Variants in IQSEC2 observed in about 807,000 individuals in gnomAD.
The protein encoded by IQSEC2 is IQ motif and Sec7 domain ArfGEF 2.
IQSEC2 carries 6 observed loss-of-function variants against 74.6 expected under a neutral mutation model. The observed-to-expected ratio is 0.08, with a 90% CI of 0.04 to 0.16. IQSEC2 has a LOEUF of 0.16. Among genes scored for constraint, IQSEC2 ranks in the 10% least tolerant of loss-of-function variants. IQSEC2 has a pLI of 1.00. For synonymous variants in IQSEC2, 494 were observed against 544.5 expected, an observed-to-expected ratio of 0.91 and a Z score of 1.29; for missense variants, 734 against 1,306.2, an observed-to-expected ratio of 0.56 and a Z score of 6.75.
At chrX:53,239,318 C>A (rs782410735) in intron 10 of IQSEC2, 24 bp from the exon 11 acceptor site, 4 of 1,014,817 alleles carry the variant, frequency 3.9e-6, no homozygotes, top group Admixed American at 2.2e-5. Flanking sequence ...GGGAAAAAGA[C>A]AAGAGGCAGC....
intron 8 of IQSEC2, 87 bp from the exon 9 acceptor site, chrX:53,243,558 G>A (rs1019107386): frequency 7.3e-5 from 79 of 1,080,914 alleles, no homozygotes; most frequent in Non-Finnish European, 7.7e-5. Context: ...ACCCAGGCAC[G>A]GGCCACGATA....
intron 7 of IQSEC2, 88 bp downstream of exon 7, chrX:53,248,026 T>C: frequency 9.5e-7 from 1 of 1,054,255 alleles, no homozygotes; most frequent in Non-Finnish European, 1.3e-6. Flanking sequence ...GAAGAAAGTA[T>C]GAGGCTCAGA....
At position 53,251,301 on chromosome X, in the gene IQSEC2, C is replaced by T; in HGVS notation, c.1402-127G>A. On this transcript the variant is annotated intron_variant, in intron 4 of 14. Coordinates refer to ENST00000642864, the MANE Select transcript of IQSEC2 (RefSeq NM_001111125.3). Reference sequence around the variant, plus strand: ...AGGGGGAGTCTTCCTGGTAGGTCAGCAAGGAGGGTGGATTCCCCTCCCCCA... The same window carrying T: ...AGGGGGAGTCTTCCTGGTAGGTCAGTAAGGAGGGTGGATTCCCCTCCCCCA... 4 of 702,112 alleles carry T rather than the reference C, an allele frequency of 5.7e-6. No homozygotes were observed. In the East Asian group the frequency reaches 1.4e-4, roughly 25 times the overall value. The allele number at this position is 702,112 out of a possible 1,213,427, so 57.9% of individuals were successfully genotyped here.
At chrX:53,266,235 C>T in intron 2 of IQSEC2, 1 of 337,570 alleles carries the variant, frequency 3.0e-6, no homozygotes. Flanking sequence ...TTTCCCGGCC[C>T]CTATTCCCAG....
intron 1 of IQSEC2, among the ~76,000 whole-genome samples, chrX:53,305,907 T>C (rs1421679284): frequency 2.7e-5 from 3 of 111,317 alleles, no homozygotes; most frequent in African/African-American, 9.8e-5. Flanking sequence ...GAGACAATCA[T>C]TCAAGGACGG....
intron 2 of IQSEC2, among the ~76,000 whole-genome samples, chrX:53,265,271 T>A (rs782216810): frequency 1.8e-5 from 2 of 109,429 alleles, no homozygotes; most frequent in Non-Finnish European, 3.8e-5. Context: ...GGAGGTGAGG[T>A]TCTAGGAAAC....
chrX:53,239,396 C>T, intron 10 of IQSEC2, 102 bp from the exon 11 acceptor site: 1 of 476,070 alleles, frequency 2.1e-6, no homozygotes, highest in Non-Finnish European at 3.7e-6. Context: ...ACCCCATTAA[C>T]AGACACACAC....
Position 53,237,759 on chromosome X carries a change from G to A in IQSEC2, c.3277+386C>T, listed in dbSNP as rs139059976. The A allele has an allele frequency of 2.3e-3, 497 of 220,112 alleles. 2 individuals are homozygous for A. The highest frequency in any genetic ancestry group is 0.013 in the African/African-American group (463 of 34,706). 18.1% of individuals were successfully genotyped at this position (220,112 alleles called of 1,213,427 possible). A position where few individuals can be genotyped will look rare whatever the true frequency, so the allele number is the denominator to read the frequency against. On this transcript the variant is annotated intron_variant, in intron 12 of 14. Transcript: ENST00000642864. ...ATTTCATCTCCATGACTCTGTGAAG[G>A]AGACTTCATTACCCCAATTTCGTAT...
chrX:53,254,426 A>C (rs2074435233), intron 4 of IQSEC2, 104 bp downstream of exon 4: 1 of 751,686 alleles, frequency 1.3e-6, no homozygotes, highest in Admixed American at 3.3e-5. Flanking sequence ...CTGTTATTAA[A>C]TGCCTGTCAC....
chrX:53,242,551 G>A (rs1214687497), intron 9 of IQSEC2, among the ~76,000 whole-genome samples: 4 of 109,353 alleles, frequency 3.7e-5, no homozygotes, highest in Non-Finnish European at 5.7e-5. Context: ...TCCTAAACTG[G>A]ACCATAAAGC....
At chrX:53,288,421 C>G (rs1399778612) in intron 2 of IQSEC2, among the ~76,000 whole-genome samples, 1 of 102,702 alleles carries the variant, frequency 9.7e-6, no homozygotes, top group Non-Finnish European at 2.0e-5. Context: ...AACAGGCCAC[C>G]TCCTCCTGCT....
In IQSEC2 at chrX:53,234,704, C is replaced by T; in HGVS notation, c.3982G>A (p.Val1328Ile). 8.8e-7 allele frequency: 1 copy of T among 1,135,410 alleles called. No individual in the cohort carries two copies. Among genetic ancestry groups the T allele is most frequent in the Non-Finnish European group, 1.2e-6 (1 of 857,565 alleles). 93.6% of individuals were successfully genotyped at this position (1,135,410 alleles called of 1,213,427 possible). The part of the protein sequence containing the change: ...PHRHFHAHGP[V>I]PGPQHYTLGR... ...AAGGTATAGTGTTGGGGCCCTGGGA[C>T]TGGGCCATGGGCGTGGAAGTGGCGA... Residue 1328 changes from valine (V) to isoleucine (I), a missense_variant, in exon 15 of 15, where the codon GTC (valine) becomes ATC (isoleucine). Around this residue, in one of 12 missense-constraint regions of IQSEC2, gnomAD observed 249 missense variants for 467.9 expected, o/e 0.53. Coordinates refer to ENST00000642864, the MANE Select transcript of IQSEC2 (RefSeq NM_001111125.3).
At chrX:53,313,052 A>G in intron 1 of IQSEC2, among the ~76,000 whole-genome samples, 1 of 112,567 alleles carries the variant, frequency 8.9e-6, no homozygotes, top group East Asian at 2.8e-4. Flanking sequence ...TCAGCCGTGT[A>G]GCTCTGGCTT....
chrX:53,226,992 T>C (rs782812783), downstream of IQSEC2: 1 of 109,804 alleles, frequency 9.1e-6, no homozygotes, highest in South Asian at 3.7e-4. Context: ...CTAGTGCTTT[T>C]GTATTTTTTT....
chrX:53,289,927 G>C (rs992461861), intron 2 of IQSEC2, among the ~76,000 whole-genome samples: 15 of 112,296 alleles, frequency 1.3e-4, no homozygotes, highest in African/African-American at 4.2e-4. Flanking sequence ...TAGGGCTGTT[G>C]TGAGCATTAA....
Position 53,320,600 on chromosome X carries a change from G to A in IQSEC2, c.524C>T (p.Ala175Val). ...CTCGCGGCCCGGGTGCGCCGGCCCG[G>A]CCTCCCGCCCGCCACGCTCGCGACC... ...ALGRERGGRE[A>V]GPAHPGREKE... Residue 175 changes from alanine to valine, a missense_variant, in exon 1 of 15, where the codon GCC becomes GTC. Physicochemically the swap from Ala to Val is moderately conservative, Grantham distance 64. Coordinates refer to ENST00000642864, the MANE Select transcript of IQSEC2 (RefSeq NM_001111125.3). The A allele has an allele frequency of 8.7e-7, 1 of 1,150,657 alleles. No individual in the cohort carries two copies. The highest frequency in any genetic ancestry group is 1.2e-6 in the Non-Finnish European group (1 of 866,596). 94.8% of individuals were successfully genotyped at this position (1,150,657 alleles called of 1,213,427 possible).
At chrX:53,253,671 T>C (rs1556864259) in intron 4 of IQSEC2, among the ~76,000 whole-genome samples, 2 of 112,146 alleles carry the variant, frequency 1.8e-5, no homozygotes, top group East Asian at 2.8e-4. Context: ...CTATACATTA[T>C]ACTATAGCCT....
At chrX:53,279,313 C>T (rs890445428) in intron 2 of IQSEC2, 1 of 387,769 alleles carries the variant, frequency 2.6e-6, no homozygotes, top group African/African-American at 2.5e-5. Context: ...ATCACATAGT[C>T]TAGGACCAAC....
chrX:53,243,267 C>T, intron 9 of IQSEC2, 65 bp downstream of exon 9: 1 of 1,017,126 alleles, frequency 9.8e-7, no homozygotes, highest in Admixed American at 2.6e-5. Flanking sequence ...GGTGCAGTGA[C>T]TTACCACTTA....
Sources: gnomAD v4.1 joint callset for allele counts (sites outside exome capture counted in the v4.1 genomes callset) on GRCh38, gnomAD v4.1.1 for gene constraint, gnomAD v4.1.1 regional missense constraint, MANE v1.5 for transcripts, NCBI Gene and HGNC (gene_info 2026-07-23, HGNC 2026-07-21) for gene names.